Variants in ATP2B2 observed in about 807,000 individuals in gnomAD.
The protein encoded by ATP2B2 is ATPase plasma membrane Ca2+ transporting 2.
A neutral mutation model predicts 120.0 loss-of-function variants in ATP2B2; 15 were observed. That is an observed-to-expected ratio of 0.12 (90% CI 0.08 to 0.19). ATP2B2 has a LOEUF of 0.19. Ranked by LOEUF, ATP2B2 falls within the 10% of genes least tolerant of loss-of-function variation. ATP2B2 has a pLI of 1.00. For missense variants in ATP2B2, 1,045 were observed against 1,719.8 expected (o/e 0.61, Z 6.94); for synonymous variants, 694 against 700.3 (o/e 0.99, Z 0.14).
upstream of ATP2B2, among the ~76,000 whole-genome samples, chr3:10,506,148 A>C (rs113773938): frequency 6.4e-3 from 968 of 152,204 alleles, 11 homozygotes; most frequent in African/African-American, 0.022. Flanking sequence ...GCAAATGGGG[A>C]GAAGTCGACT....
chr3:10,587,755 G>T (rs1020028552), intron 2 of ATP2B2, among the ~76,000 whole-genome samples: 1 of 151,270 alleles, frequency 6.6e-6, no homozygotes, highest in Admixed American at 6.6e-5. Flanking sequence ...TTTTTTGTTT[G>T]TTTGTTTGTT....
At chr3:10,407,437 C>T (rs2062453419) in intron 3 of ATP2B2, among the ~76,000 whole-genome samples, 1 of 152,200 alleles carries the variant, frequency 6.6e-6, no homozygotes, top group Non-Finnish European at 1.5e-5. Context: ...GCCTGCGCTC[C>T]CTCCTTCCTT....
chr3:10,643,107 C>G (rs2070219417), intron 1 of ATP2B2, among the ~76,000 whole-genome samples: 1 of 152,174 alleles, frequency 6.6e-6, no homozygotes, highest in Admixed American at 6.5e-5. Context: ...AAAGATGAGG[C>G]ATGTCACAAG....
intron 1 of ATP2B2, among the ~76,000 whole-genome samples, chr3:10,641,153 A>G (rs2070160604): frequency 6.6e-6 from 1 of 152,240 alleles, no homozygotes; most frequent in African/African-American, 2.4e-5. Context: ...GATACACTAC[A>G]GCAGGGGTGC....
intron 3 of ATP2B2, among the ~76,000 whole-genome samples, chr3:10,510,842 C>T (rs895277528): frequency 3.9e-5 from 6 of 152,196 alleles, no homozygotes; most frequent in African/African-American, 7.2e-5. Flanking sequence ...CTTGGTAATG[C>T]GGAGTCATAC....
intron 1 of ATP2B2, among the ~76,000 whole-genome samples, chr3:10,650,236 A>T (rs2070421501): frequency 6.6e-6 from 1 of 152,240 alleles, no homozygotes; most frequent in African/African-American, 2.4e-5. Flanking sequence ...GTGGTCTCAG[A>T]TGGAGTTGAG....
chr3:10,420,498 G>C (rs1181016803), intron 2 of ATP2B2, among the ~76,000 whole-genome samples: 1 of 152,116 alleles, frequency 6.6e-6, no homozygotes, highest in Admixed American at 6.5e-5. Flanking sequence ...AGTAGCTGGG[G>C]TTACAGGTGC....
chr3:10,613,840 A>G (rs1486756096), intron 2 of ATP2B2, among the ~76,000 whole-genome samples: 1 of 152,014 alleles, frequency 6.6e-6, no homozygotes, highest in Non-Finnish European at 1.5e-5. Flanking sequence ...CCTGGAATTA[A>G]GGCACAGCCC....
intron 1 of ATP2B2, among the ~76,000 whole-genome samples, chr3:10,644,445 C>A (rs1278222878): frequency 6.6e-6 from 1 of 152,160 alleles, no homozygotes; most frequent in Non-Finnish European, 1.5e-5. Context: ...GGGACTCAAA[C>A]AAATATAGAT....
intron 1 of ATP2B2, among the ~76,000 whole-genome samples, chr3:10,658,127 T>C (rs948178532): frequency 2.0e-5 from 3 of 152,078 alleles, no homozygotes; most frequent in African/African-American, 7.2e-5. Context: ...AAAAGGTAGA[T>C]AAAACCACAA....
At chr3:10,410,590 C>T (rs759508227) in intron 3 of ATP2B2, 28 bp downstream of exon 3, 14 of 1,577,198 alleles carry the variant, frequency 8.9e-6, no homozygotes, top group Middle Eastern at 1.7e-4. Flanking sequence ...GTGTGCGGGG[C>T]GGTTCGTGGG....
chr3:10,533,584 T>C (rs1010832601), intron 3 of ATP2B2, among the ~76,000 whole-genome samples: 1 of 152,186 alleles, frequency 6.6e-6, no homozygotes, highest in African/African-American at 2.4e-5. Flanking sequence ...TAAGCCCACC[T>C]GACTACCCCA....
intron 1 of ATP2B2, among the ~76,000 whole-genome samples, chr3:10,632,387 C>T (rs1009957238): frequency 6.6e-6 from 1 of 152,156 alleles, no homozygotes; most frequent in Non-Finnish European, 1.5e-5. Flanking sequence ...GAGTTTGCCA[C>T]CCCGGGGCAG....
At chr3:10,401,963 T>C in intron 4 of ATP2B2, 128 bp downstream of exon 4, 1 of 1,476,732 alleles carries the variant, frequency 6.8e-7, no homozygotes. Context: ...TCAGAAGACA[T>C]CTTGGTTTGG....
intron 1 of ATP2B2, among the ~76,000 whole-genome samples, chr3:10,462,333 C>T (rs1043984313): frequency 5.3e-5 from 8 of 152,162 alleles, no homozygotes; most frequent in African/African-American, 9.7e-5. Context: ...ATGTCCAGTC[C>T]GGTGACCAGA....
At chr3:10,597,692 C>T (rs1234605059) in intron 2 of ATP2B2, among the ~76,000 whole-genome samples, 4 of 152,190 alleles carry the variant, frequency 2.6e-5, no homozygotes, top group Admixed American at 2.0e-4. Flanking sequence ...TAGCTGTGAC[C>T]TCTGATAACT....
intron 1 of ATP2B2, among the ~76,000 whole-genome samples, chr3:10,666,627 G>A (rs2070945819): frequency 6.6e-6 from 1 of 152,230 alleles, no homozygotes; most frequent in South Asian, 2.1e-4. Flanking sequence ...ACTTTGAGCA[G>A]ATTCCATCTT....
chr3:10,335,171 A>G (rs1177350716), intron 22 of ATP2B2, among the ~76,000 whole-genome samples: 3 of 152,208 alleles, frequency 2.0e-5, no homozygotes, highest in Non-Finnish European at 2.9e-5. Context: ...GCTATCTCTC[A>G]GATAAAGGAG....
At chr3:10,580,820 T>C (rs1002875301) in intron 2 of ATP2B2, among the ~76,000 whole-genome samples, 6 of 152,216 alleles carry the variant, frequency 3.9e-5, no homozygotes, top group African/African-American at 1.2e-4. Flanking sequence ...CAATTGCTTC[T>C]TGTAAGTAAA....
Sources: gnomAD v4.1 joint callset for allele counts (sites outside exome capture counted in the v4.1 genomes callset) on GRCh38, gnomAD v4.1.1 for gene constraint, MANE v1.5 for transcripts, NCBI Gene and HGNC (gene_info 2026-07-23, HGNC 2026-07-21) for gene names.